The following LRRIQ4 variants were observed in gnomAD, a reference collection of about 807,000 sequenced individuals.
LRRIQ4 encodes the protein leucine rich repeats and IQ motif containing 4.
Under a neutral mutation model 40.1 loss-of-function variants are expected in LRRIQ4, and 21 were observed. The ratio of observed to expected loss-of-function variants is 0.52; its 90% CI spans 0.37 to 0.75. The LOEUF is 0.75. LRRIQ4 is among the 30% of genes least tolerant of loss of function. LRRIQ4 has a pLI of 0.00. For synonymous variants in LRRIQ4, 277 were observed against 277.1 expected (o/e 1.00, Z 0.00); for missense variants, 655 against 660.0 (o/e 0.99, Z 0.08).
At chr3:169,828,193 C>G (rs1780083494) in intron 2 of LRRIQ4, among the ~76,000 whole-genome samples, 1 of 152,046 alleles carries the variant, frequency 6.6e-6, no homozygotes, top group Non-Finnish European at 1.5e-5. Flanking sequence ...AGTTGCCACA[C>G]TACAGTCCAT....
Position 169,830,941 on chromosome 3 carries a change from T to C in LRRIQ4, c.1333+311T>C, listed in dbSNP as rs1780157205. 2.0e-5 allele frequency among the ~76,000 whole-genome samples: 3 copies of C among 152,338 alleles called. 1 individual carries two copies. Among genetic ancestry groups the C allele is most frequent in the South Asian group, 4.1e-4 (2 of 4,832 alleles). ...AATAATTTACTGTACACTTACTACA[T>C]GCCAGAATTTGGAGTTGGGATCCTG... On this transcript the variant is annotated intron_variant, in intron 4 of 5. Coordinates refer to ENST00000340806, the MANE Select transcript of LRRIQ4 (RefSeq NM_001080460.3).
chr3:169,822,908 A>G lies in LRRIQ4; in HGVS notation c.987A>G (p.Glu329=), dbSNP rs759373408. ...PLQICALKNL[E]VLGLDDNKIG... is the part of the protein sequence containing the mutation. ...AGATCTGTGCACTGAAGAACCTTGA[A>G]GTCCTGGGACTGGATGACAATAAAA... The change falls in exon 2 of 6, where the codon GAA becomes GAG. Residue 329 remains glutamate, a synonymous_variant. Transcript: ENST00000340806. The G allele has an allele frequency of 6.4e-7, 1 of 1,558,528 alleles. No individual in the cohort carries two copies. The highest frequency in any genetic ancestry group is 8.7e-7 in the Non-Finnish European group (1 of 1,155,450).
At chr3:169,813,767 A>G (rs1779691922) in intron 1 of LRRIQ4, among the ~76,000 whole-genome samples, 1 of 152,190 alleles carries the variant, frequency 6.6e-6, no homozygotes, top group South Asian at 2.1e-4. Context: ...AAATCCCTTC[A>G]TTCCTTCCTT....
At chr3:169,821,589 G>A (rs1326313696) in intron 1 of LRRIQ4, among the ~76,000 whole-genome samples, 2 of 151,196 alleles carry the variant, frequency 1.3e-5, no homozygotes, top group East Asian at 3.9e-4. Context: ...GTAGTAAGCC[G>A]AGATCACACC....
At chr3:169,831,126 G>A (rs1323044464) in intron 4 of LRRIQ4, among the ~76,000 whole-genome samples, 1 of 151,396 alleles carries the variant, frequency 6.6e-6, no homozygotes, top group Non-Finnish European at 1.5e-5. Flanking sequence ...ACTACACTAA[G>A]CCATTCTTTG....
At chr3:169,830,228 A>C (rs1780130462) in intron 3 of LRRIQ4, among the ~76,000 whole-genome samples, 1 of 150,210 alleles carries the variant, frequency 6.7e-6, no homozygotes, top group African/African-American at 2.5e-5. Context: ...TGGTGAAACA[A>C]ATAAGCACTA....
rs777702327 is a variant in LRRIQ4, at chr3:169,832,991, G to T, written c.1338G>T (p.Leu446Phe). The change falls in exon 5 of 6, where the codon TTG becomes TTT. Residue 446 changes from leucine (L) to phenylalanine (F), a missense_variant. Coordinates refer to ENST00000340806, the MANE Select transcript of LRRIQ4 (RefSeq NM_001080460.3). ...LPDAICQAQA[L>F]KELRLEDNLL... ...ATTACGAAAAAATCTTTTCAGCTTTGAAAGAATTACGGCTGGAGGACAACT... is the reference window on the plus strand; with the variant it reads ...ATTACGAAAAAATCTTTTCAGCTTTTAAAGAATTACGGCTGGAGGACAACT... The T allele has an allele frequency of 6.2e-7, 1 of 1,608,272 alleles. No homozygotes were observed. The highest frequency in any genetic ancestry group is 8.5e-7 in the Non-Finnish European group (1 of 1,178,324).
chr3:169,836,456 C>G (rs1780303933), intron 5 of LRRIQ4, among the ~76,000 whole-genome samples: 3 of 151,586 alleles, frequency 2.0e-5, no homozygotes, highest in Admixed American at 2.0e-4. Flanking sequence ...TAGAAGCTGA[C>G]TTCTCCCTGT....
intron 1 of LRRIQ4, 45 bp from the exon 2 acceptor site, chr3:169,821,846 G>T: frequency 1.0e-6 from 1 of 1,002,500 alleles, no homozygotes; most frequent in East Asian, 2.8e-5. Context: ...CAAGTCTGGT[G>T]GCAGGTAAAT....
intron 5 of LRRIQ4, among the ~76,000 whole-genome samples, chr3:169,836,497 G>A (rs1010223761): frequency 6.6e-6 from 1 of 152,182 alleles, no homozygotes; most frequent in Admixed American, 6.5e-5. Flanking sequence ...GAGAGAGAGA[G>A]AGAGAGAGAT....
rs73034297 is a variant in LRRIQ4 at position 169,835,512 on chromosome 3, T to C, written c.1531-1967T>C. Among the ~76,000 whole-genome samples the C allele has an allele frequency of 5.2e-3, 792 of 152,106 alleles. 6 individuals are homozygous for C. The highest frequency in any genetic ancestry group is 0.018 in the African/African-American group (751 of 41,470). Reference sequence around the variant, plus strand: ...AACTGGGATGGGGGATCTGCAGTTATGTTCTCGGGATGATTTTAGGAAGGG... The same window carrying C: ...AACTGGGATGGGGGATCTGCAGTTACGTTCTCGGGATGATTTTAGGAAGGG... On this transcript the variant is annotated intron_variant, in intron 5 of 5. Transcript: ENST00000340806.
At chr3:169,823,844 GA>G in intron 2 of LRRIQ4, among the ~76,000 whole-genome samples, 1 of 152,286 alleles carries the variant, frequency 6.6e-6, no homozygotes, top group South Asian at 2.1e-4. Flanking sequence ...TGATAATCAT[GA>G]AATTATGGGA....
At chr3:169,818,657 C>T (rs187808646) in intron 1 of LRRIQ4, among the ~76,000 whole-genome samples, 28 of 152,228 alleles carry the variant, frequency 1.8e-4, no homozygotes, top group African/African-American at 6.5e-4. Context: ...TAAAGTAATC[C>T]TCATACCAAA....
chr3:169,831,702 C>A (rs1177864630), intron 4 of LRRIQ4, among the ~76,000 whole-genome samples: 1 of 151,002 alleles, frequency 6.6e-6, no homozygotes, highest in East Asian at 2.0e-4. Flanking sequence ...AGGCGCGGTG[C>A]TCACGCCTGT....
At chr3:169,831,547 C>T (rs1332775833) in intron 4 of LRRIQ4, among the ~76,000 whole-genome samples, 1 of 141,112 alleles carries the variant, frequency 7.1e-6, no homozygotes, top group Non-Finnish European at 1.5e-5. Flanking sequence ...CGTGATCTGC[C>T]CACCTTGGCC....
chr3:169,830,376 T>TTAAAAAAAAAAAAAA (rs1560614440), intron 3 of LRRIQ4, 116 bp from the exon 4 acceptor site: 1 of 308,770 alleles, frequency 3.2e-6, no homozygotes, highest in Non-Finnish European at 4.7e-6. Context: ...CCACTGAAAG[T>TTAAAAAAAAAAAAAA]GAAAAAAAAA....
intron 4 of LRRIQ4, among the ~76,000 whole-genome samples, chr3:169,831,519 G>A (rs1780177351): frequency 8.3e-6 from 1 of 120,336 alleles, no homozygotes; most frequent in Non-Finnish European, 1.6e-5. Flanking sequence ...AGCCAGGATG[G>A]TCTTGATCTC....
intron 2 of LRRIQ4, among the ~76,000 whole-genome samples, chr3:169,828,535 C>A (rs1221501444): frequency 6.6e-6 from 1 of 152,112 alleles, no homozygotes; most frequent in Non-Finnish European, 1.5e-5. Flanking sequence ...CGCCCAGCCA[C>A]AAAAAATTGC....
intron 1 of LRRIQ4, among the ~76,000 whole-genome samples, chr3:169,815,468 A>T (rs1779745791): frequency 6.6e-6 from 1 of 152,148 alleles, no homozygotes. Flanking sequence ...AATGCTACTG[A>T]GTTTTATATG....
Sources: allele counts gnomAD v4.1 joint callset (sites outside exome capture counted in the v4.1 genomes callset), GRCh38; gene constraint gnomAD v4.1.1; transcripts MANE v1.5; gene names NCBI Gene and HGNC (gene_info 2026-07-23, HGNC 2026-07-21).